The following ANO2 variants were observed in gnomAD, a reference collection of about 807,000 sequenced individuals.
ANO2 encodes anoctamin 2.
Under a neutral mutation model 124.2 loss-of-function variants are expected in ANO2, and 101 were observed. That is an observed-to-expected ratio of 0.81 (90% confidence interval 0.69 to 0.96). The LOEUF is 0.96. Ranked by LOEUF, ANO2 falls within the 40% of genes least tolerant of loss-of-function variation. ANO2 has a pLI of 0.00. For missense variants in ANO2, 1,293 were observed against 1,274.5 expected (o/e 1.01, Z -0.22); for synonymous variants, 486 against 482.5 (o/e 1.01, Z -0.09).
At chr12:5,793,775 C>G (rs77163953) in intron 10 of ANO2, among the ~76,000 whole-genome samples, 1 of 152,240 alleles carries the variant, frequency 6.6e-6, no homozygotes, top group African/African-American at 2.4e-5. Flanking sequence ...AAGACCAACA[C>G]AGTCATTAGC....
chr12:5,660,608 G>A lies in ANO2; in HGVS notation c.1546-12807C>T, dbSNP rs1179934495. On this transcript the variant is annotated intron_variant, in intron 14 of 24. Transcript: ENST00000682330. ...GTTATTCTCTACCACAGCACTTATTGCTATCCAAAGTGATCTTGTTTATTT... is the reference window on the plus strand; with the variant it reads ...GTTATTCTCTACCACAGCACTTATTACTATCCAAAGTGATCTTGTTTATTT... Among the ~76,000 whole-genome samples the A allele has an allele frequency of 8.6e-5, 13 of 151,592 alleles. No homozygotes were observed. In the East Asian group the frequency reaches 2.3e-3, roughly 27 times the overall value.
rs113444078 is a variant in ANO2, at chr12:5,796,265, C to T, written c.1055+3242G>A. ...CCCACTCACACACATACACTCACAC[C>T]GACACACGCATGCACACACACTCAT... is the stretch of plus-strand genomic sequence containing the variant. On this transcript the variant is annotated intron_variant, in intron 10 of 24. Transcript: ENST00000682330. Among the ~76,000 whole-genome samples the T allele has an allele frequency of 5.6e-4, 84 of 150,366 alleles. 1 individual carries two copies. The highest frequency in any genetic ancestry group is 2.7e-3 in the East Asian group (14 of 5,098).
chr12:5,571,396 G>A (rs993044015), intron 23 of ANO2, among the ~76,000 whole-genome samples: 3 of 152,242 alleles, frequency 2.0e-5, no homozygotes, highest in Admixed American at 6.5e-5. Flanking sequence ...CATCTCAAAC[G>A]GGCAGCCGGA....
intron 3 of ANO2, among the ~76,000 whole-genome samples, chr12:5,871,565 G>A (rs1937698311): frequency 6.6e-6 from 1 of 152,148 alleles, no homozygotes; most frequent in Non-Finnish European, 1.5e-5. Context: ...TAACTCACAG[G>A]AGCACCGACC....
At chr12:5,753,238 T>A (rs1307680016) in intron 10 of ANO2, among the ~76,000 whole-genome samples, 1 of 152,154 alleles carries the variant, frequency 6.6e-6, no homozygotes, top group Non-Finnish European at 1.5e-5. Flanking sequence ...AGGGGAAATA[T>A]TGGGCTAGTG....
intron 15 of ANO2, among the ~76,000 whole-genome samples, chr12:5,641,197 A>G (rs952451006): frequency 9.1e-5 from 12 of 132,348 alleles, no homozygotes; most frequent in Non-Finnish European, 1.2e-4. Flanking sequence ...ACACAGGGCG[A>G]GGAACATCAC....
At chr12:5,781,819 T>A (rs1475346097) in intron 10 of ANO2, among the ~76,000 whole-genome samples, 1 of 152,248 alleles carries the variant, frequency 6.6e-6, no homozygotes, top group Non-Finnish European at 1.5e-5. Context: ...TGAGGATATA[T>A]GCTGTATGAT....
rs150585532 is a variant in ANO2 at position 5,864,387 on chromosome 12, G to A, written c.535-10246C>T. ...AACTCAGGGAGGCCAGTAGGCTGGC[G>A]CCTGGGCTTCCAGCACACAGAACCA... On this transcript the variant is annotated intron_variant, in intron 3 of 24. Transcript: ENST00000682330. 7.2e-3 allele frequency among the ~76,000 whole-genome samples: 1,093 copies of A among 152,374 alleles called. 9 individuals are homozygous for A. Among genetic ancestry groups the A allele is most frequent in the Non-Finnish European group, 0.012 (833 of 68,038 alleles).
chr12:5,725,730 G>A (rs1307573776), intron 14 of ANO2, among the ~76,000 whole-genome samples: 1 of 152,008 alleles, frequency 6.6e-6, no homozygotes, highest in East Asian at 1.9e-4. Flanking sequence ...TGTCCTTGCA[G>A]CCCTAAGGTG....
intron 1 of ANO2, among the ~76,000 whole-genome samples, chr12:5,923,576 G>A (rs938309408): frequency 6.6e-6 from 1 of 152,138 alleles, no homozygotes; most frequent in African/African-American, 2.4e-5. Flanking sequence ...GTCCTTTCAG[G>A]GTCCTCACGC....
At chr12:5,585,186 A>T (rs1033710360) in intron 20 of ANO2, among the ~76,000 whole-genome samples, 2 of 151,884 alleles carry the variant, frequency 1.3e-5, no homozygotes, top group African/African-American at 4.8e-5. Flanking sequence ...GCATAAGAAA[A>T]TTTGCTATAT....
chr12:5,729,860 T>C (rs1950569575), intron 14 of ANO2, among the ~76,000 whole-genome samples: 1 of 152,178 alleles, frequency 6.6e-6, no homozygotes, highest in Admixed American at 6.5e-5. Flanking sequence ...TATGCTACAA[T>C]ATGAATGAAT....
intron 16 of ANO2, among the ~76,000 whole-genome samples, chr12:5,626,036 G>A (rs1321374015): frequency 6.6e-6 from 1 of 152,192 alleles, no homozygotes; most frequent in African/African-American, 2.4e-5. Flanking sequence ...GCACTGCAGA[G>A]ATTTGCACAT....
chr12:5,597,582 C>T (rs755475412), intron 20 of ANO2, among the ~76,000 whole-genome samples: 12 of 152,220 alleles, frequency 7.9e-5, no homozygotes, highest in South Asian at 2.1e-4. Context: ...CTGCTCTAAT[C>T]ACCCAAAAGA....
At chr12:5,867,778 G>GAAAAGAAAAAA (rs752416831) in intron 3 of ANO2, among the ~76,000 whole-genome samples, 2 of 78,528 alleles carry the variant, frequency 2.5e-5, no homozygotes, top group Non-Finnish European at 4.7e-5. Flanking sequence ...GCACTATAAT[G>GAAAAGAAAAAA]AAAAAAAAAA....
rs11834246 is a variant in ANO2 at position 5,574,520 on chromosome 12, C to A, written c.2621+1314G>T. Among the ~76,000 whole-genome samples, 986 of 151,856 alleles carry A rather than the reference C, an allele frequency of 6.5e-3. 10 individuals are homozygous for A. The highest frequency in any genetic ancestry group is 0.023 in the African/African-American group (951 of 41,100). On this transcript the variant is annotated intron_variant, in intron 23 of 24. Transcript: ENST00000682330. Reference sequence around the variant, plus strand: ...TTCCCTCTCCCTATCAATGTAACCACATCCCAGTCCTCTGACTTCAGTCCA... The same window carrying A: ...TTCCCTCTCCCTATCAATGTAACCAAATCCCAGTCCTCTGACTTCAGTCCA...
At chr12:5,733,862 C>T (rs137969518) in intron 13 of ANO2, among the ~76,000 whole-genome samples, 1 of 152,354 alleles carries the variant, frequency 6.6e-6, no homozygotes, top group Non-Finnish European at 1.5e-5. Context: ...ATACCACACA[C>T]TGTAGATCTT....
intron 16 of ANO2, among the ~76,000 whole-genome samples, chr12:5,632,477 G>A (rs1262140133): frequency 1.3e-5 from 2 of 152,040 alleles, no homozygotes; most frequent in African/African-American, 4.8e-5. Context: ...CTCTCAGAGA[G>A]AACAAAATGT....
At chr12:5,652,520 CCCCT>C (rs1378962403) in intron 14 of ANO2, among the ~76,000 whole-genome samples, 1 of 151,866 alleles carries the variant, frequency 6.6e-6, no homozygotes. Flanking sequence ...GTTCCAAGGT[CCCCT>C]CCAAGAAAAC....
Sources: allele counts gnomAD v4.1 joint callset (sites outside exome capture counted in the v4.1 genomes callset), GRCh38; gene constraint gnomAD v4.1.1; transcripts MANE v1.5; gene names NCBI Gene and HGNC (gene_info 2026-07-23, HGNC 2026-07-21).